Variants in SLC5A5 observed in about 807,000 individuals in gnomAD.
SLC5A5 encodes sodium/iodide cotransporter.
SLC5A5 carries 56 observed loss-of-function variants against 68.6 expected under a neutral mutation model. That is an observed-to-expected ratio of 0.82 (90% CI 0.66 to 1.02). The LOEUF is 1.02. Among genes scored for constraint, SLC5A5 ranks in the 50% least tolerant of loss-of-function variants. SLC5A5 has a pLI of 0.00. For synonymous variants in SLC5A5, 398 were observed against 373.0 expected (o/e 1.07, Z -0.77); for missense variants, 807 against 859.8 (o/e 0.94, Z 0.77).
chr19:17,889,324 G>A (rs1315271925), intron 13 of SLC5A5, among the ~76,000 whole-genome samples: 8 of 151,792 alleles, frequency 5.3e-5, no homozygotes. Flanking sequence ...GCTTGATCCT[G>A]GGAGATGGAG....
intron 14 of SLC5A5, among the ~76,000 whole-genome samples, chr19:17,892,697 A>AGAGAGAGC (rs1408251856): frequency 1.4e-5 from 2 of 146,804 alleles, no homozygotes; most frequent in East Asian, 2.0e-4. Context: ...AGAGAGAGAG[A>AGAGAGAGC]GCAAGCTAAA....
chr19:17,879,490 G>A (rs1039193814), intron 7 of SLC5A5, among the ~76,000 whole-genome samples: 4 of 152,126 alleles, frequency 2.6e-5, no homozygotes, highest in African/African-American at 9.7e-5. Context: ...GAGAAAGGCA[G>A]GGCAGTCACG....
At chr19:17,881,931 G>A (rs1233337933) in intron 8 of SLC5A5, 29 bp from the exon 9 acceptor site, 1 of 1,562,638 alleles carries the variant, frequency 6.4e-7, no homozygotes, top group South Asian at 1.1e-5. Flanking sequence ...CATATGGCCT[G>A]AGGACCCCCC....
Position 17,874,751 on chromosome 19 carries a change from C to T in SLC5A5, c.543+20C>T, listed in dbSNP as rs1394135035. The T allele has an allele frequency of 6.2e-7, 1 of 1,612,402 alleles. No homozygotes were observed. The highest frequency in any genetic ancestry group is 1.7e-5 in the Admixed American group (1 of 59,978). On this transcript the variant is annotated intron_variant, in intron 4 of 14. Coordinates refer to ENST00000222248, the MANE Select transcript of SLC5A5 (RefSeq NM_000453.3). The stretch of plus-strand genomic sequence containing the variant: ...GCTGTGGTGAGTGGCCCTGGGAACT[C>T]ACTCCATACGGGGGATCGGGCCCAC...
intron 7 of SLC5A5, among the ~76,000 whole-genome samples, chr19:17,878,502 C>T (rs2094312920): frequency 1.3e-5 from 2 of 148,436 alleles, no homozygotes; most frequent in Admixed American, 6.7e-5. Flanking sequence ...GAGACTCTGT[C>T]TCAAAAAAAT....
At chr19:17,874,368 C>T in intron 2 of SLC5A5, 126 bp from the exon 3 acceptor site, 1 of 1,064,416 alleles carries the variant, frequency 9.4e-7, no homozygotes, top group Non-Finnish European at 1.4e-6. Flanking sequence ...CTGACCCCGC[C>T]TGCACTCTGG....
At chr19:17,876,811 G>A (rs1355526706) in intron 5 of SLC5A5, among the ~76,000 whole-genome samples, 4 of 151,814 alleles carry the variant, frequency 2.6e-5, no homozygotes, top group East Asian at 3.9e-4. Context: ...GCAGTGAGCC[G>A]AGATGGCATC....
intron 14 of SLC5A5, among the ~76,000 whole-genome samples, chr19:17,892,697 A>AGAGAGAGAGAGAGAGAGC: frequency 6.8e-6 from 1 of 146,926 alleles, no homozygotes; most frequent in East Asian, 2.0e-4. Context: ...AGAGAGAGAG[A>AGAGAGAGAGAGAGAGAGC]GCAAGCTAAA....
At position 17,878,947 on chromosome 19, in the gene SLC5A5, C is replaced by A. The variant is rs140355985; in HGVS notation, c.969+854C>A. On this transcript the variant is annotated intron_variant, in intron 7 of 14. Transcript: ENST00000222248. ...CAGAGATCGCGCCATTGCACTCCAGCCTGGGTGACAGAGAGAGACTCCATC... is the reference window on the plus strand; with the variant it reads ...CAGAGATCGCGCCATTGCACTCCAGACTGGGTGACAGAGAGAGACTCCATC... Among the ~76,000 whole-genome samples the A allele has an allele frequency of 3.9e-3, 513 of 133,198 alleles. 10 individuals carry two copies. The highest frequency in any genetic ancestry group is 0.025 in the East Asian group (123 of 4,930). The allele number at this position is 133,198 out of a possible 152,430, so 87.4% of individuals were successfully genotyped here.
intron 12 of SLC5A5, among the ~76,000 whole-genome samples, chr19:17,884,714 A>C (rs1259431460): frequency 1.3e-5 from 2 of 151,958 alleles, no homozygotes; most frequent in East Asian, 3.9e-4. Flanking sequence ...TGGAGGTTGC[A>C]GTGAGCTGAG....
intron 10 of SLC5A5, among the ~76,000 whole-genome samples, chr19:17,883,423 AAG>A (rs2094325439): frequency 1.3e-5 from 2 of 151,114 alleles, no homozygotes; most frequent in Admixed American, 6.6e-5. Context: ...AAAAAAAAAA[AAG>A]AAGAAGAAAG....
intron 13 of SLC5A5, among the ~76,000 whole-genome samples, 183 bp from the exon 14 acceptor site, chr19:17,890,703 A>G (rs1295819546): frequency 6.6e-6 from 1 of 152,044 alleles, no homozygotes; most frequent in Non-Finnish European, 1.5e-5. Flanking sequence ...ATGTTTTATT[A>G]CAACTTCACT....
chr19:17,880,488 T>TC (rs1373521927), intron 7 of SLC5A5, among the ~76,000 whole-genome samples: 1 of 152,190 alleles, frequency 6.6e-6, no homozygotes, highest in African/African-American at 2.4e-5. Context: ...GTGTTGGGAT[T>TC]ACACGCGTGA....
chr19:17,890,411 G>C lies in SLC5A5; in HGVS notation c.1652-475G>C, dbSNP rs753208193. ...TTTTGTTTTGTTTTGTTTTGTTTTA[G>C]AAACAGGGTCTCACTCTGTCACCAA... On this transcript the variant is annotated intron_variant, in intron 13 of 14. Transcript: ENST00000222248. Among the ~76,000 whole-genome samples the C allele has an allele frequency of 6.7e-4, 100 of 150,056 alleles. No individual in the cohort carries two copies. The Middle Eastern group carries it at 0.014, about 20-fold the overall frequency.
intron 4 of SLC5A5, among the ~76,000 whole-genome samples, chr19:17,875,738 A>G (rs1230609776): frequency 6.6e-6 from 1 of 152,158 alleles, no homozygotes; most frequent in East Asian, 1.9e-4. Context: ...TGATCACACC[A>G]CTGCACTCCA....
Position 17,883,739 on chromosome 19 carries a change from G to C in SLC5A5, c.1301G>C (p.Gly434Ala). Residue 434 changes from glycine (G) to alanine (A), a missense_variant, in exon 11 of 15, where the codon GGA becomes GCA. Gly to Ala is a moderately conservative substitution (Grantham distance 60). Coordinates refer to ENST00000222248, the MANE Select transcript of SLC5A5 (RefSeq NM_000453.3). ...CCCCTGCTGGGAGCCTTCATCTTGG[G>C]AATGTTCCTGCCGGCCTGCAACACA... ...SGPLLGAFIL[G>A]MFLPACNTPG... 1 of 1,529,306 alleles carries C rather than the reference G, an allele frequency of 6.5e-7. No homozygotes were observed. The highest frequency in any genetic ancestry group is 8.9e-7 in the Non-Finnish European group (1 of 1,128,052). 94.7% of individuals were successfully genotyped at this position (1,529,306 alleles called of 1,614,324 possible).
intron 12 of SLC5A5, among the ~76,000 whole-genome samples, chr19:17,886,273 T>C (rs1287437158): frequency 6.6e-6 from 1 of 151,366 alleles, no homozygotes; most frequent in Non-Finnish European, 1.5e-5. Flanking sequence ...TATATACCTA[T>C]GAGTGGAATT....
chr19:17,879,589 C>A (rs1424681843), intron 7 of SLC5A5, among the ~76,000 whole-genome samples: 1 of 152,148 alleles, frequency 6.6e-6, no homozygotes, highest in Non-Finnish European at 1.5e-5. Flanking sequence ...TGCCAGGACC[C>A]ATGCCTAGGT....
At chr19:17,872,751 G>A in intron 1 of SLC5A5, 75 bp downstream of exon 1, 1 of 960,002 alleles carries the variant, frequency 1.0e-6, no homozygotes, top group Non-Finnish European at 1.7e-6. Flanking sequence ...AGGCGCTGGG[G>A]CTTTGGGCCG....
Sources: allele counts gnomAD v4.1 joint callset (sites outside exome capture counted in the v4.1 genomes callset), GRCh38; gene constraint gnomAD v4.1.1; transcripts MANE v1.5; gene names NCBI Gene and HGNC (gene_info 2026-07-23, HGNC 2026-07-21).